Variants in CTNNA3 observed in about 807,000 individuals in gnomAD.
CTNNA3 encodes the protein catenin alpha-3.
Under a neutral mutation model 95.7 loss-of-function variants are expected in CTNNA3, and 76 were observed. The observed-to-expected ratio is 0.79, with a 90% CI of 0.66 to 0.96. The LOEUF (loss-of-function observed/expected upper bound fraction) is 0.96, where lower values mean the gene tolerates loss of function less well. CTNNA3 is among the 40% of genes least tolerant of loss of function. CTNNA3 has a pLI of 0.00. For synonymous variants in CTNNA3, 431 were observed against 374.4 expected, an observed-to-expected ratio of 1.15 and a Z score of -1.74; for missense variants, 1,191 against 1,089.8, an observed-to-expected ratio of 1.09 and a Z score of -1.31.
At chr10:67,715,965 C>A (rs970245704) in intron 1 of CTNNA3, among the ~76,000 whole-genome samples, 24 of 152,046 alleles carry the variant, frequency 1.6e-4, no homozygotes, top group African/African-American at 5.8e-4. Flanking sequence ...TTTTCATATA[C>A]CCTTAAGAGC....
At chr10:66,158,957 C>T (rs2084695840) in intron 13 of CTNNA3, among the ~76,000 whole-genome samples, 2 of 151,896 alleles carry the variant, frequency 1.3e-5, no homozygotes, top group Non-Finnish European at 2.9e-5. Flanking sequence ...TGATGCTCTG[C>T]TTGGTCGCTG....
chr10:67,393,358 TG>T (rs1405788674), intron 5 of CTNNA3, among the ~76,000 whole-genome samples: 1 of 152,138 alleles, frequency 6.6e-6, no homozygotes, highest in Non-Finnish European at 1.5e-5. Flanking sequence ...CTTCATAGCA[TG>T]GATAATAGTA....
At chr10:66,064,687 C>T (rs976423976) in intron 15 of CTNNA3, among the ~76,000 whole-genome samples, 1 of 152,112 alleles carries the variant, frequency 6.6e-6, no homozygotes, top group African/African-American at 2.4e-5. Flanking sequence ...CTATGTGTCT[C>T]CTCCAAATGC....
chr10:66,274,296 C>T (rs914841827), intron 13 of CTNNA3, among the ~76,000 whole-genome samples: 1 of 152,046 alleles, frequency 6.6e-6, no homozygotes, highest in East Asian at 1.9e-4. Context: ...TCATATTCTT[C>T]TTTTGAATTT....
intron 9 of CTNNA3, among the ~76,000 whole-genome samples, chr10:66,654,682 T>C (rs1370139058): frequency 1.3e-5 from 2 of 152,070 alleles, no homozygotes; most frequent in Non-Finnish European, 2.9e-5. Flanking sequence ...TTATTCACAA[T>C]AGCCAAAATA....
chr10:67,687,843 C>A (rs903222011), intron 1 of CTNNA3, among the ~76,000 whole-genome samples: 18 of 152,108 alleles, frequency 1.2e-4, no homozygotes, highest in Non-Finnish European at 5.9e-5. Flanking sequence ...TTTCCTAATT[C>A]TCCTTAGTCC....
intron 7 of CTNNA3, among the ~76,000 whole-genome samples, chr10:67,023,712 C>T (rs1853173292): frequency 6.6e-6 from 1 of 152,158 alleles, no homozygotes; most frequent in Non-Finnish European, 1.5e-5. Flanking sequence ...TACTAATCTT[C>T]TTACAAAGAC....
intron 10 of CTNNA3, among the ~76,000 whole-genome samples, chr10:66,554,542 C>G (rs1842333208): frequency 6.6e-6 from 1 of 152,104 alleles, no homozygotes; most frequent in Admixed American, 6.5e-5. Context: ...GCATTCCAGT[C>G]CTTTGTATCT....
intron 6 of CTNNA3, among the ~76,000 whole-genome samples, chr10:67,211,494 ATATT>A (rs1274724656): frequency 6.6e-6 from 1 of 152,144 alleles, no homozygotes; most frequent in Non-Finnish European, 1.5e-5. Flanking sequence ...TATTGGGTAA[ATATT>A]TATTAGATGC....
chr10:66,976,572 C>T (rs1438323117), intron 7 of CTNNA3, among the ~76,000 whole-genome samples: 1 of 152,144 alleles, frequency 6.6e-6, no homozygotes, highest in Non-Finnish European at 1.5e-5. Flanking sequence ...TAAAAATCTA[C>T]AGTGACTTCC....
intron 9 of CTNNA3, among the ~76,000 whole-genome samples, chr10:66,731,737 C>T (rs1848966793): frequency 6.6e-6 from 1 of 152,218 alleles, no homozygotes. Flanking sequence ...CATGCTTTTG[C>T]TATGGGAAAG....
intron 5 of CTNNA3, among the ~76,000 whole-genome samples, chr10:67,342,949 C>T (rs1055056858): frequency 1.3e-5 from 2 of 151,592 alleles, no homozygotes; most frequent in Non-Finnish European, 2.9e-5. Context: ...TTCGTGGTTC[C>T]ACATAATTTT....
At chr10:67,085,972 C>T (rs1196242730) in intron 7 of CTNNA3, among the ~76,000 whole-genome samples, 3 of 152,090 alleles carry the variant, frequency 2.0e-5, no homozygotes, top group South Asian at 2.1e-4. Flanking sequence ...CCACTCTCAT[C>T]ATATCCTACA....
In CTNNA3 at chr10:67,060,596, C is replaced by T. The variant is rs1226840076; in HGVS notation, c.1047+119721G>A. ...GGGCACTAGTGGAAAGGATTTGTGT[C>T]ACTTCTGGGTTAAGGTAGCAAAAAT... is the stretch of plus-strand genomic sequence containing the variant. On this transcript the variant is annotated intron_variant, in intron 7 of 17. Coordinates refer to ENST00000433211, the MANE Select transcript of CTNNA3 (RefSeq NM_013266.4). Among the ~76,000 whole-genome samples, 7 of 152,154 alleles carry T rather than the reference C, an allele frequency of 4.6e-5. No individual in the cohort carries two copies. In the East Asian group the frequency reaches 1.4e-3, roughly 29 times the overall value.
chr10:66,273,569 T>C (rs930771660), intron 13 of CTNNA3, among the ~76,000 whole-genome samples: 1 of 152,182 alleles, frequency 6.6e-6, no homozygotes, highest in Non-Finnish European at 1.5e-5. Context: ...CAACATTCTA[T>C]AAACCTTAAA....
intron 13 of CTNNA3, among the ~76,000 whole-genome samples, chr10:66,205,865 A>C (rs946100410): frequency 1.3e-5 from 2 of 151,950 alleles, no homozygotes; most frequent in Non-Finnish European, 2.9e-5. Context: ...AGTAAAGAAA[A>C]AACAATATAA....
chr10:66,436,218 C>T (rs1177784173), intron 11 of CTNNA3, among the ~76,000 whole-genome samples: 1 of 152,108 alleles, frequency 6.6e-6, no homozygotes, highest in East Asian at 1.9e-4. Context: ...GAGTTCACAT[C>T]CTGAATATCC....
chr10:66,769,092 A>G (rs1839980165), intron 8 of CTNNA3, among the ~76,000 whole-genome samples: 3 of 152,230 alleles, frequency 2.0e-5, no homozygotes. Context: ...AGACTTCACT[A>G]TAATTTCCCA....
intron 16 of CTNNA3, among the ~76,000 whole-genome samples, chr10:65,980,764 C>T (rs1438077241): frequency 1.3e-5 from 2 of 152,050 alleles, no homozygotes; most frequent in East Asian, 3.9e-4. Flanking sequence ...TCAATAGACA[C>T]AGAAAAAGCA....
Sources: allele counts gnomAD v4.1 joint callset (sites outside exome capture counted in the v4.1 genomes callset), GRCh38; gene constraint gnomAD v4.1.1; transcripts MANE v1.5; gene names NCBI Gene and HGNC (gene_info 2026-07-23, HGNC 2026-07-21).